Variants in TRIM51G observed in about 807,000 individuals in gnomAD.
TRIM51G encodes tripartite motif-containing 51G.
the TRIM51G span, among the ~76,000 whole-genome samples, chr11:48,977,567 G>A: frequency 1.3e-5 from 2 of 152,074 alleles, no homozygotes; most frequent in African/African-American, 4.8e-5. Context: ...TCAAGGCCAG[G>A]GTGTTGAAAC....
chr11:48,982,250 T>C, the TRIM51G span, among the ~76,000 whole-genome samples: 1 of 152,078 alleles, frequency 6.6e-6, no homozygotes, highest in Non-Finnish European at 1.5e-5. Flanking sequence ...CACTAGGAGA[T>C]AAAATAAATA....
At chr11:48,978,848 T>C in the TRIM51G span, 4 of 1,044,100 alleles carry the variant, frequency 3.8e-6, no homozygotes, top group Non-Finnish European at 4.5e-6. Context: ...TTCAACATCA[T>C]GATAACCCAT....
chr11:48,982,433 G>T, the TRIM51G span, among the ~76,000 whole-genome samples: 1 of 152,020 alleles, frequency 6.6e-6, no homozygotes, highest in Admixed American at 6.6e-5. Context: ...AATACATGGA[G>T]AATTGGTATA....
the TRIM51G span, chr11:48,978,989 GTCCTCGCCC>G: frequency 6.8e-7 from 1 of 1,471,794 alleles, no homozygotes; most frequent in African/African-American, 1.4e-5. Flanking sequence ...GCTGAAAAAT[GTCCTCGCCC>G]TCCTTTTGCA....
At chr11:48,983,346 A>G in the TRIM51G span, among the ~76,000 whole-genome samples, 1 of 150,846 alleles carries the variant, frequency 6.6e-6, no homozygotes, top group Non-Finnish European at 1.5e-5. Context: ...TTAACTCATC[A>G]TTGCCTCAGT....
At chr11:48,980,941 G>A in the TRIM51G span, 1 of 500,630 alleles carries the variant, frequency 2.0e-6, no homozygotes, top group South Asian at 1.5e-5. Context: ...GCCATATTCA[G>A]GTTTCTGTGA....
chr11:48,978,178 A>G, the TRIM51G span: 1 of 532,450 alleles, frequency 1.9e-6, no homozygotes, highest in South Asian at 1.4e-5. Flanking sequence ...AAAAATAGAA[A>G]GGCTTAGTGC....
chr11:48,981,110 A>C, the TRIM51G span: 2 of 1,109,960 alleles, frequency 1.8e-6, no homozygotes. Context: ...CAGAAAATAG[A>C]GTTTGCTTTG....
the TRIM51G span, chr11:48,981,214 C>G: frequency 1.3e-6 from 2 of 1,583,016 alleles, no homozygotes; most frequent in Non-Finnish European, 1.7e-6. Context: ...ATCATCCAAT[C>G]TCGAAGGAAA....
At chr11:48,982,947 G>GTGTGTGTT in the TRIM51G span, among the ~76,000 whole-genome samples, 1 of 86,154 alleles carries the variant, frequency 1.2e-5, no homozygotes, top group South Asian at 5.5e-4. Context: ...AGTATTTTTG[G>GTGTGTGTT]TATATATACA....
chr11:48,975,523 G>A, the TRIM51G span: 18 of 1,393,476 alleles, frequency 1.3e-5, no homozygotes, highest in African/African-American at 1.9e-4. Flanking sequence ...GCAAATGATA[G>A]GCCAGAGAGG....
At chr11:48,981,465 G>A in the TRIM51G span, 2,461 of 1,606,706 alleles carry the variant, frequency 1.5e-3, 38 homozygotes, top group African/African-American at 0.029. Context: ...TGGCTTTTCT[G>A]GCAATGGAAG....
At chr11:48,981,167 C>T in the TRIM51G span, 1 of 1,466,372 alleles carries the variant, frequency 6.8e-7, no homozygotes, top group Non-Finnish European at 9.3e-7. Context: ...GTCAAGGAAG[C>T]TCATAACAGA....
At chr11:48,981,301 G>A in the TRIM51G span, 3 of 1,605,838 alleles carry the variant, frequency 1.9e-6, no homozygotes, top group Non-Finnish European at 2.6e-6. Flanking sequence ...TTCCTCAGCA[G>A]CCCACTCAGT....
At chr11:48,981,712 G>C in the TRIM51G span, 1 of 1,597,128 alleles carries the variant, frequency 6.3e-7, no homozygotes, top group South Asian at 1.1e-5. Flanking sequence ...GAAGAAGAAA[G>C]AGCAGCATGT....
the TRIM51G span, among the ~76,000 whole-genome samples, chr11:48,983,394 G>T: frequency 1.3e-5 from 2 of 151,602 alleles, no homozygotes; most frequent in Admixed American, 1.3e-4. Flanking sequence ...TGTTATGAAA[G>T]CACATTTACA....
chr11:48,976,976 A>T, the TRIM51G span: 1 of 603,398 alleles, frequency 1.7e-6, no homozygotes, highest in Non-Finnish European at 3.0e-6. Flanking sequence ...CATATGGTTC[A>T]CTTCCTGCTG....
At chr11:48,982,956 C>CATACATAT in the TRIM51G span, among the ~76,000 whole-genome samples, 1 of 33,050 alleles carries the variant, frequency 3.0e-5, no homozygotes, top group African/African-American at 1.0e-4. Context: ...GGTATATATA[C>CATACATAT]ATATATATAT....
At chr11:48,976,752 G>C in the TRIM51G span, among the ~76,000 whole-genome samples, 4 of 152,066 alleles carry the variant, frequency 2.6e-5, 1 homozygote, top group Non-Finnish European at 5.9e-5. Context: ...ATACAGTAAA[G>C]CAATGTAAAA....
Sources: allele counts gnomAD v4.1 joint callset (sites outside exome capture counted in the v4.1 genomes callset), GRCh38; gene constraint gnomAD v4.1.1; transcripts MANE v1.5; gene names NCBI Gene and HGNC (gene_info 2026-07-23, HGNC 2026-07-21).